FGGY: variants seen among roughly 807,000 people sequenced by gnomAD.
FGGY encodes the protein FGGY carbohydrate kinase domain containing.
FGGY carries 72 observed loss-of-function variants against 71.3 expected under a neutral mutation model. That is an observed-to-expected ratio of 1.01 (90% CI 0.84 to 1.23). FGGY has a LOEUF of 1.23. FGGY is among the 50% of genes most tolerant of loss of function. FGGY has a pLI of 0.00. For missense variants in FGGY, 668 were observed against 682.3 expected (o/e 0.98, Z 0.23); for synonymous variants, 251 against 250.3 (o/e 1.00, Z -0.02).
At chr1:59,541,496 T>C (rs1027576631) in intron 7 of FGGY, among the ~76,000 whole-genome samples, 2 of 152,164 alleles carry the variant, frequency 1.3e-5, no homozygotes, top group African/African-American at 4.8e-5. Flanking sequence ...TTACTGCCTC[T>C]GGCCCATGCT....
At chr1:59,624,430 G>A (rs1457764153) in intron 9 of FGGY, among the ~76,000 whole-genome samples, 1 of 152,154 alleles carries the variant, frequency 6.6e-6, no homozygotes, top group African/African-American at 2.4e-5. Context: ...AGTAATGTGT[G>A]TACAATGCTT....
At chr1:59,590,555 C>G (rs548814667) in intron 8 of FGGY, among the ~76,000 whole-genome samples, 2,342 of 152,208 alleles carry the variant, frequency 0.015, 64 homozygotes, top group African/African-American at 0.054. Flanking sequence ...TACTGGCAAA[C>G]CGAATCCAGC....
intron 9 of FGGY, among the ~76,000 whole-genome samples, chr1:59,614,331 A>C (rs2096725654): frequency 6.6e-6 from 1 of 152,356 alleles, no homozygotes; most frequent in Admixed American, 6.5e-5. Flanking sequence ...CTGGGATGCA[A>C]GACTGGTTCA....
chr1:59,328,585 T>C (rs1377154748), intron 2 of FGGY, among the ~76,000 whole-genome samples: 1 of 152,342 alleles, frequency 6.6e-6, no homozygotes, highest in South Asian at 2.1e-4. Flanking sequence ...CTTTTAGTTT[T>C]CCTTACGAAC....
At chr1:59,743,905 G>C (rs2098171437) in intron 14 of FGGY, among the ~76,000 whole-genome samples, 1 of 152,118 alleles carries the variant, frequency 6.6e-6, no homozygotes, top group African/African-American at 2.4e-5. Context: ...AATGTTGAAT[G>C]GTCCCTGCAT....
intron 5 of FGGY, among the ~76,000 whole-genome samples, chr1:59,407,098 G>T (rs1304721182): frequency 6.6e-6 from 1 of 152,222 alleles, no homozygotes; most frequent in Non-Finnish European, 1.5e-5. Context: ...GCCTTGGGCA[G>T]CATCTCTGGC....
At chr1:59,655,043 C>T (rs1461037582) in intron 11 of FGGY, among the ~76,000 whole-genome samples, 1 of 152,066 alleles carries the variant, frequency 6.6e-6, no homozygotes, top group Non-Finnish European at 1.5e-5. Context: ...ACATTATGGT[C>T]CCAGCGCTGA....
intron 7 of FGGY, among the ~76,000 whole-genome samples, chr1:59,535,371 A>G (rs2095284685): frequency 6.6e-6 from 1 of 152,164 alleles, no homozygotes; most frequent in African/African-American, 2.4e-5. Context: ...AGACTCCCAC[A>G]CATTAATAAT....
rs780167236 is a variant in FGGY at position 59,554,186 on chromosome 1, C to T, written c.862C>T (p.Arg288Trp). 31 of 1,613,478 alleles carry T rather than the reference C, an allele frequency of 1.9e-5. No individual in the cohort carries two copies. The highest frequency in any genetic ancestry group is 8.9e-5 in the East Asian group (4 of 44,876). The part of the protein sequence containing the change: ...LICEGQPVTS[R>W]LAVICGTSSC... ...CTGTGAGGGGCAGCCAGTGACGTCACGGCTGGCTGTCATCTGTGGAACGTC... is the reference window on the plus strand; with the variant it reads ...CTGTGAGGGGCAGCCAGTGACGTCATGGCTGGCTGTCATCTGTGGAACGTC... Residue 288 changes from arginine to tryptophan, a missense_variant, in exon 8 of 16, where the codon CGG becomes TGG. This residue lies in a region of FGGY where 661 missense variants were observed against 661.6 expected (regional missense o/e 1.00). Coordinates refer to ENST00000303721, the MANE Select transcript of FGGY (RefSeq NM_018291.5).
chr1:59,350,384 T>C (rs551410457), intron 4 of FGGY, among the ~76,000 whole-genome samples: 2 of 152,266 alleles, frequency 1.3e-5, no homozygotes, highest in East Asian at 3.9e-4. Flanking sequence ...GATATAGCAA[T>C]ATACAAAGTG....
chr1:59,628,784 A>C (rs1329615590), intron 10 of FGGY, among the ~76,000 whole-genome samples: 1 of 152,196 alleles, frequency 6.6e-6, no homozygotes, highest in Non-Finnish European at 1.5e-5. Context: ...AGATAGTCTA[A>C]GGTGGCCACT....
At chr1:59,525,663 C>T (rs897473677) in intron 7 of FGGY, among the ~76,000 whole-genome samples, 2 of 152,112 alleles carry the variant, frequency 1.3e-5, no homozygotes, top group South Asian at 2.1e-4. Flanking sequence ...AGGTAGATGA[C>T]GTCTTCCTTC....
chr1:59,706,051 G>A (rs1011048593), intron 14 of FGGY, among the ~76,000 whole-genome samples: 1 of 152,196 alleles, frequency 6.6e-6, no homozygotes, highest in Non-Finnish European at 1.5e-5. Context: ...CCTTTAGGAG[G>A]AGGGAAGCCA....
chr1:59,571,872 A>G (rs2095991687), intron 8 of FGGY, among the ~76,000 whole-genome samples: 1 of 152,184 alleles, frequency 6.6e-6, no homozygotes, highest in Non-Finnish European at 1.5e-5. Flanking sequence ...TCATTCATAG[A>G]AAATTCAAAA....
chr1:59,480,472 C>T (rs1339333616), intron 6 of FGGY, among the ~76,000 whole-genome samples: 1 of 152,178 alleles, frequency 6.6e-6, no homozygotes, highest in Non-Finnish European at 1.5e-5. Flanking sequence ...AAACCTCACT[C>T]GGTCTCTTCT....
chr1:59,511,690 C>T (rs1032664337), intron 6 of FGGY, among the ~76,000 whole-genome samples: 2 of 152,168 alleles, frequency 1.3e-5, no homozygotes, highest in African/African-American at 4.8e-5. Context: ...TGCACAACTC[C>T]AAAGAACATC....
Position 59,527,384 on chromosome 1 carries a change from A to G in FGGY, c.799+14945A>G, listed in dbSNP as rs572759588. On this transcript the variant is annotated intron_variant, in intron 7 of 15. Transcript: ENST00000303721. ...CAGGAAACTGTATTCCTGCATCTCT[A>G]CCTTCAGTGTTTCACGATCACTGTT... Among the ~76,000 whole-genome samples, 9 of 152,222 alleles carry G rather than the reference A, an allele frequency of 5.9e-5. No homozygotes were observed. The South Asian group carries it at 8.3e-4, about 14-fold the overall frequency.
At position 59,512,379 on chromosome 1, in the gene FGGY, G is replaced by A. The variant is rs1206333981; in HGVS notation, c.739G>A (p.Gly247Ser). The change falls in exon 7 of 16, where the codon GGC becomes AGC. Residue 247 changes from glycine (G) to serine (S), a missense_variant. By Grantham distance (56) the Gly-to-Ser change is moderately conservative. This residue lies in a region of FGGY where 661 missense variants were observed against 661.6 expected (regional missense o/e 1.00). Transcript: ENST00000303721. ...GLTPEAARDL[G>S]LLPGIAVAAS... ...CACACCAGAGGCAGCAAGAGACCTT[G>A]GCCTTCTCCCTGGGATTGCGGTCGC... 1 of 1,613,688 alleles carries A rather than the reference G, an allele frequency of 6.2e-7. No homozygotes were observed. Among genetic ancestry groups the A allele is most frequent in the Non-Finnish European group, 8.5e-7 (1 of 1,179,826 alleles).
At chr1:59,576,475 G>T (rs2096076742) in intron 8 of FGGY, among the ~76,000 whole-genome samples, 1 of 151,966 alleles carries the variant, frequency 6.6e-6, no homozygotes, top group Non-Finnish European at 1.5e-5. Context: ...CTAGATGACG[G>T]GTTGATAGGT....
Sources: allele counts gnomAD v4.1 joint callset (sites outside exome capture counted in the v4.1 genomes callset), GRCh38; gene constraint gnomAD v4.1.1; regional missense constraint gnomAD v4.1.1; transcripts MANE v1.5; gene names NCBI Gene and HGNC (gene_info 2026-07-23, HGNC 2026-07-21).